TTC27: variants seen among roughly 807,000 people sequenced by gnomAD.
TTC27 encodes tetratricopeptide repeat domain 27.
TTC27 carries 79 observed loss-of-function variants against 115.9 expected under a neutral mutation model. That is an observed-to-expected ratio of 0.68 (90% confidence interval 0.57 to 0.82). The LOEUF is 0.82. Among genes scored for constraint, TTC27 ranks in the 40% least tolerant of loss-of-function variants. The pLI is 0.00. For synonymous variants in TTC27, 401 were observed against 356.0 expected, an observed-to-expected ratio of 1.13 and a Z score of -1.42; for missense variants, 1,054 against 993.1, an observed-to-expected ratio of 1.06 and a Z score of -0.82.
chr2:32,636,324 C>A (rs1366486112), intron 3 of TTC27, among the ~76,000 whole-genome samples: 1 of 152,132 alleles, frequency 6.6e-6, no homozygotes, highest in Admixed American at 6.5e-5. Flanking sequence ...AATGATTCTC[C>A]CACCTCAGCC....
At chr2:32,708,678 T>TTTGTTGTTGTTG (rs4019331) in intron 10 of TTC27, among the ~76,000 whole-genome samples, 1 of 150,600 alleles carries the variant, frequency 6.6e-6, no homozygotes, top group African/African-American at 2.5e-5. Context: ...CCCACCTTAC[T>TTTGTTGTTGTTG]TTGTTGTTGT....
chr2:32,715,701 A>G (rs562523427), intron 10 of TTC27, among the ~76,000 whole-genome samples: 2 of 152,244 alleles, frequency 1.3e-5, no homozygotes, highest in East Asian at 1.9e-4. Context: ...CTTTCTTTAT[A>G]TGGCACTCAT....
chr2:32,728,755 C>CAATAAGTTTAA (rs1280968052), intron 10 of TTC27, among the ~76,000 whole-genome samples: 2 of 152,172 alleles, frequency 1.3e-5, no homozygotes, highest in African/African-American at 2.4e-5. Flanking sequence ...TGAGGAAAGA[C>CAATAAGTTTAA]TGGGTTCACA....
At chr2:32,653,773 C>A (rs933736914) in intron 5 of TTC27, among the ~76,000 whole-genome samples, 1 of 152,058 alleles carries the variant, frequency 6.6e-6, no homozygotes, top group Admixed American at 6.6e-5. Flanking sequence ...TAAATAATCT[C>A]GTGAGAAGAG....
At chr2:32,628,477 AAC>A in intron 1 of TTC27, 97 bp downstream of exon 1, 4 of 1,220,660 alleles carry the variant, frequency 3.3e-6, no homozygotes, top group East Asian at 2.7e-5. Flanking sequence ...ATTTTTCCCT[AAC>A]ACAGTCTAGC....
At chr2:32,748,781 A>G (rs4952287) in intron 12 of TTC27, among the ~76,000 whole-genome samples, 123,649 of 151,012 alleles carry the variant, frequency 0.82, 50,667 homozygotes, top group Middle Eastern at 0.91. Flanking sequence ...TCTGCCTCCC[A>G]GGTTTCAGTG....
At chr2:32,677,261 C>A (rs72858156) in intron 8 of TTC27, among the ~76,000 whole-genome samples, 2,554 of 152,178 alleles carry the variant, frequency 0.017, 66 homozygotes, top group African/African-American at 0.059. Context: ...GATGAATATA[C>A]AACAATTTGT....
At chr2:32,646,031 T>G (rs1664843404) in intron 4 of TTC27, among the ~76,000 whole-genome samples, 1 of 138,920 alleles carries the variant, frequency 7.2e-6, no homozygotes, top group Non-Finnish European at 1.6e-5. Context: ...AATTTTCAAT[T>G]TTAATTTTTT....
chr2:32,811,652 G>A (rs1671320850), intron 17 of TTC27, among the ~76,000 whole-genome samples: 1 of 152,170 alleles, frequency 6.6e-6, no homozygotes, highest in Non-Finnish European at 1.5e-5. Context: ...TAAAGATCTT[G>A]GAAGAGAACT....
At chr2:32,789,921 C>A (rs1399333986) in intron 16 of TTC27, among the ~76,000 whole-genome samples, 17 of 25,966 alleles carry the variant, frequency 6.5e-4, no homozygotes, top group African/African-American at 1.1e-3. Context: ...ACCCTGTCTC[C>A]AAAAAAAAAA....
rs34140897 is a variant in TTC27 at position 32,711,116 on chromosome 2, C to CAAAA, written c.1233+8216_1233+8219dup. On this transcript the variant is annotated intron_variant, in intron 10 of 19. Transcript: ENST00000317907. The stretch of plus-strand genomic sequence containing the variant: ...TGGGTGACAGACCAAGACTCTGTCT[C>CAAAA]AAAAAAAAAAAAAAAAAAAAAAAGA... Among the ~76,000 whole-genome samples, 272 of 59,668 alleles carry CAAAA rather than the reference C, an allele frequency of 4.6e-3. 1 individual carries two copies. Among genetic ancestry groups the CAAAA allele is most frequent in the Middle Eastern group, 0.015 (2 of 130 alleles). 39.1% of individuals were successfully genotyped at this position (59,668 alleles called of 152,430 possible).
At chr2:32,811,738 T>C (rs1671323194) in intron 17 of TTC27, among the ~76,000 whole-genome samples, 1 of 152,212 alleles carries the variant, frequency 6.6e-6, no homozygotes, top group African/African-American at 2.4e-5. Flanking sequence ...CCAGTTCCAC[T>C]CAAGTTATGC....
intron 5 of TTC27, among the ~76,000 whole-genome samples, chr2:32,653,751 T>C (rs922332198): frequency 2.0e-5 from 3 of 152,240 alleles, no homozygotes; most frequent in Non-Finnish European, 4.4e-5. Flanking sequence ...GATTTCATTT[T>C]AGCATAGCAT....
intron 10 of TTC27, among the ~76,000 whole-genome samples, chr2:32,711,446 A>G (rs1028245112): frequency 6.6e-6 from 1 of 152,198 alleles, no homozygotes; most frequent in Non-Finnish European, 1.5e-5. Context: ...CATAATCTGA[A>G]CTTCTGCCAA....
At chr2:32,715,488 GT>G in intron 10 of TTC27, among the ~76,000 whole-genome samples, 1 of 152,246 alleles carries the variant, frequency 6.6e-6, no homozygotes, top group African/African-American at 2.4e-5. Context: ...TTGTGGTACA[GT>G]TTGAAGTATG....
intron 10 of TTC27, among the ~76,000 whole-genome samples, chr2:32,716,985 C>T (rs1667773620): frequency 6.7e-6 from 1 of 148,502 alleles, no homozygotes; most frequent in Non-Finnish European, 1.5e-5. Context: ...TGAGCCACTA[C>T]ACCTGGCTCA....
intron 10 of TTC27, among the ~76,000 whole-genome samples, chr2:32,729,723 G>A (rs1478633672): frequency 2.6e-5 from 4 of 151,786 alleles, no homozygotes; most frequent in Admixed American, 1.3e-4. Context: ...TACCTTTTAC[G>A]TTTATTCACA....
chr2:32,746,975 G>A (rs138117276), intron 12 of TTC27, among the ~76,000 whole-genome samples: 8 of 152,294 alleles, frequency 5.3e-5, no homozygotes, highest in Non-Finnish European at 1.0e-4. Context: ...AAAAATGTGG[G>A]ATAGAATTTG....
At chr2:32,757,810 C>T (rs1476670873) in intron 12 of TTC27, among the ~76,000 whole-genome samples, 2 of 152,150 alleles carry the variant, frequency 1.3e-5, no homozygotes, top group African/African-American at 4.8e-5. Flanking sequence ...TCTCCTGCCT[C>T]AGCCTCCCAC....
Sources: gnomAD v4.1 joint callset for allele counts (sites outside exome capture counted in the v4.1 genomes callset) on GRCh38, gnomAD v4.1.1 for gene constraint, MANE v1.5 for transcripts, NCBI Gene and HGNC (gene_info 2026-07-23, HGNC 2026-07-21) for gene names.